Variants in COL22A1 observed in about 807,000 individuals in gnomAD.
The protein encoded by COL22A1 is collagen type XXII alpha 1 chain, also known as collagen alpha-1(XXII) chain.
A neutral mutation model predicts 248.9 loss-of-function variants in COL22A1; 221 were observed. The observed-to-expected ratio is 0.89, with a 90% CI of 0.80 to 0.99. The LOEUF is 0.99. Ranked by LOEUF, COL22A1 falls within the 50% of genes least tolerant of loss-of-function variation. The pLI is 0.00. For missense variants in COL22A1, 2,240 were observed against 2,179.0 expected (o/e 1.03, Z -0.56); for synonymous variants, 891 against 793.4 (o/e 1.12, Z -2.07).
chr8:138,811,967 A>G lies in COL22A1; in HGVS notation c.1327-46T>C, dbSNP rs756223888. On this transcript the variant is annotated intron_variant, in intron 8 of 64. Coordinates refer to ENST00000303045, the MANE Select transcript of COL22A1 (RefSeq NM_152888.3). ...GTCAGAACCTGGCTCTTCACTCAGCAGGCACTCCCTGGCAGAAGCACAGTG... is the reference window on the plus strand; with the variant it reads ...GTCAGAACCTGGCTCTTCACTCAGCGGGCACTCCCTGGCAGAAGCACAGTG... 5.3e-6 allele frequency: 8 copies of G among 1,498,624 alleles called. No homozygotes were observed. In the South Asian group the frequency reaches 6.8e-5, roughly 13 times the overall value. The allele number at this position is 1,498,624 out of a possible 1,614,324, so 92.8% of individuals were successfully genotyped here. A position where few individuals can be genotyped will look rare whatever the true frequency, so the allele number is the denominator to read the frequency against.
At chr8:138,870,964 C>T (rs1439117916) in intron 3 of COL22A1, among the ~76,000 whole-genome samples, 1 of 151,522 alleles carries the variant, frequency 6.6e-6, no homozygotes, top group Non-Finnish European at 1.5e-5. Context: ...GTGTGTGCAC[C>T]CTGAGTTTAC....
chr8:138,859,394 A>G (rs1478404676), intron 3 of COL22A1, among the ~76,000 whole-genome samples: 1 of 152,198 alleles, frequency 6.6e-6, no homozygotes, highest in Non-Finnish European at 1.5e-5. Context: ...GCCTCAGGTC[A>G]GCGGACAGAA....
At chr8:138,599,259 G>A (rs913699526) in intron 60 of COL22A1, among the ~76,000 whole-genome samples, 1 of 152,032 alleles carries the variant, frequency 6.6e-6, no homozygotes, top group Non-Finnish European at 1.5e-5. Flanking sequence ...GGCAGATCAC[G>A]AGGTCAGGAG....
intron 50 of COL22A1, among the ~76,000 whole-genome samples, chr8:138,629,153 T>C (rs548399258): frequency 4.0e-5 from 6 of 150,962 alleles, no homozygotes; most frequent in Admixed American, 2.6e-4. Context: ...AATCCATTAG[T>C]TTTTATTAGG....
chr8:138,741,327 G>T (rs1473551906), intron 22 of COL22A1, among the ~76,000 whole-genome samples: 3 of 152,186 alleles, frequency 2.0e-5, no homozygotes, highest in African/African-American at 7.2e-5. Context: ...AGAATTGCCG[G>T]GGTGGGGTAC....
At chr8:138,649,925 C>A (rs1822552441) in intron 45 of COL22A1, 147 bp from the exon 46 acceptor site, 1 of 564,822 alleles carries the variant, frequency 1.8e-6, no homozygotes, top group Non-Finnish European at 3.1e-6. Context: ...AACAGGTGGA[C>A]TGAGTCATGA....
intron 32 of COL22A1, among the ~76,000 whole-genome samples, chr8:138,696,706 G>A (rs1827536175): frequency 6.6e-6 from 1 of 152,178 alleles, no homozygotes; most frequent in Admixed American, 6.5e-5. Flanking sequence ...CTGTGACCTG[G>A]ATTCAGTGAG....
At chr8:138,645,906 C>G (rs747943856) in intron 47 of COL22A1, among the ~76,000 whole-genome samples, 3 of 152,178 alleles carry the variant, frequency 2.0e-5, no homozygotes, top group Non-Finnish European at 2.9e-5. Context: ...GATAAGGGAG[C>G]ACACTCTGGG....
intron 1 of COL22A1, among the ~76,000 whole-genome samples, chr8:138,891,854 G>A (rs1239904032): frequency 6.6e-6 from 1 of 152,184 alleles, no homozygotes; most frequent in East Asian, 1.9e-4. Flanking sequence ...TGAAAGAGAA[G>A]GAAAATTTGC....
chr8:138,717,311 C>G (rs560829877), intron 27 of COL22A1, among the ~76,000 whole-genome samples: 2 of 151,974 alleles, frequency 1.3e-5, no homozygotes, highest in Non-Finnish European at 2.9e-5. Context: ...CCACGCCCAG[C>G]TAATTTTTTG....
chr8:138,863,123 A>G (rs955970070), intron 3 of COL22A1, among the ~76,000 whole-genome samples: 9 of 152,220 alleles, frequency 5.9e-5, no homozygotes, highest in African/African-American at 2.2e-4. Context: ...GTCCTCTGCT[A>G]GCCCAGACTT....
intron 12 of COL22A1, among the ~76,000 whole-genome samples, chr8:138,786,696 G>T (rs1815554737): frequency 6.6e-6 from 1 of 152,124 alleles, no homozygotes; most frequent in Non-Finnish European, 1.5e-5. Context: ...ATGAGGTCAG[G>T]AGTTTGAGAC....
intron 18 of COL22A1, among the ~76,000 whole-genome samples, chr8:138,758,530 C>T (rs1269265210): frequency 6.6e-6 from 1 of 152,186 alleles, no homozygotes; most frequent in East Asian, 1.9e-4. Context: ...ATATGATAGG[C>T]CTTGGTCAAT....
intron 45 of COL22A1, among the ~76,000 whole-genome samples, chr8:138,653,028 T>G (rs377437689): frequency 6.6e-6 from 1 of 152,132 alleles, no homozygotes; most frequent in African/African-American, 2.4e-5. Flanking sequence ...ATTACAGGCA[T>G]GAGCCATCGC....
chr8:138,867,941 T>G (rs1171258382), intron 3 of COL22A1, among the ~76,000 whole-genome samples: 1 of 150,150 alleles, frequency 6.7e-6, no homozygotes, highest in Non-Finnish European at 1.5e-5. Context: ...ACTTTTGTAT[T>G]TTTAGTACAG....
chr8:138,693,630 G>T lies in COL22A1; in HGVS notation c.2754+16C>A. 1 of 1,574,816 alleles carries T rather than the reference G, an allele frequency of 6.3e-7. No homozygotes were observed. Among genetic ancestry groups the T allele is most frequent in the Non-Finnish European group, 8.6e-7 (1 of 1,160,106 alleles). On this transcript the variant is annotated intron_variant, in intron 35 of 64. Transcript: ENST00000303045. The stretch of plus-strand genomic sequence containing the variant: ...CCGGGGCTCCCCCACGAGGCAGGCC[G>T]ATCATAGGGACTCACGGGGTTTCCA...
chr8:138,755,232 A>G, intron 20 of COL22A1, 22 bp from the exon 21 acceptor site: 2 of 1,612,136 alleles, frequency 1.2e-6, no homozygotes, highest in Non-Finnish European at 1.7e-6. Flanking sequence ...AGCCAAACAG[A>G]TGTTTAGTCA....
intron 39 of COL22A1, among the ~76,000 whole-genome samples, chr8:138,681,036 C>T (rs9942790): frequency 0.21 from 31,445 of 152,122 alleles, 3,355 homozygotes; most frequent in African/African-American, 0.27. Context: ...CTGCCTCCCC[C>T]ACTTCCCCTA....
intron 46 of COL22A1, among the ~76,000 whole-genome samples, chr8:138,647,702 G>GC (rs753295479): frequency 2.0e-5 from 3 of 152,098 alleles, no homozygotes; most frequent in African/African-American, 7.2e-5. Context: ...GGGGTTCGTG[G>GC]CCCCCTGCCA....
Sources: gnomAD v4.1 joint callset for allele counts (sites outside exome capture counted in the v4.1 genomes callset) on GRCh38, gnomAD v4.1.1 for gene constraint, MANE v1.5 for transcripts, NCBI Gene and HGNC (gene_info 2026-07-23, HGNC 2026-07-21) for gene names.